The following CDK14 variants were observed in gnomAD, a reference collection of about 807,000 sequenced individuals.
CDK14 encodes cyclin dependent kinase 14.
Under a neutral mutation model 60.7 loss-of-function variants are expected in CDK14, and 34 were observed. That is an observed-to-expected ratio of 0.56 (90% confidence interval 0.43 to 0.75). The LOEUF (loss-of-function observed/expected upper bound fraction) is 0.75, where lower values mean the gene tolerates loss of function less well. CDK14 is among the 30% of genes least tolerant of loss of function. CDK14 has a pLI of 0.00. For synonymous variants in CDK14, 197 were observed against 203.7 expected, an observed-to-expected ratio of 0.97 and a Z score of 0.28; for missense variants, 482 against 564.1, an observed-to-expected ratio of 0.85 and a Z score of 1.47.
At chr7:90,625,968 C>T (rs149786752) in intron 2 of CDK14, among the ~76,000 whole-genome samples, 19 of 152,270 alleles carry the variant, frequency 1.2e-4, no homozygotes, top group Non-Finnish European at 2.2e-4. Flanking sequence ...TTTTTAATTC[C>T]ATGGGAGCTT....
chr7:90,756,010 A>G (rs1287939613), intron 4 of CDK14, among the ~76,000 whole-genome samples: 1 of 152,206 alleles, frequency 6.6e-6, no homozygotes, highest in Non-Finnish European at 1.5e-5. Flanking sequence ...CTTAGGGCTT[A>G]GAGAGGTTTA....
At chr7:90,637,764 G>A (rs1248200783) in intron 2 of CDK14, among the ~76,000 whole-genome samples, 1 of 98,818 alleles carries the variant, frequency 1.0e-5, no homozygotes, top group Non-Finnish European at 2.0e-5. Flanking sequence ...TATTGTGTGG[G>A]AGTCTAAGTC....
At chr7:90,729,989 A>C (rs1317441258) in intron 3 of CDK14, among the ~76,000 whole-genome samples, 1 of 152,094 alleles carries the variant, frequency 6.6e-6, no homozygotes, top group East Asian at 1.9e-4. Flanking sequence ...CCTGTCATTT[A>C]CATTAGATAT....
intron 5 of CDK14, among the ~76,000 whole-genome samples, chr7:90,822,111 C>G (rs1298632660): frequency 6.6e-6 from 1 of 152,128 alleles, no homozygotes; most frequent in Non-Finnish European, 1.5e-5. Flanking sequence ...GTATGCTGTT[C>G]TTGTCTTCAG....
chr7:90,799,433 A>AT (rs1409241328), intron 5 of CDK14, among the ~76,000 whole-genome samples: 1 of 152,086 alleles, frequency 6.6e-6, no homozygotes, highest in African/African-American at 2.4e-5. Context: ...CACACCTGTA[A>AT]TCCCAGTACT....
intron 14 of CDK14, among the ~76,000 whole-genome samples, chr7:91,165,237 A>T (rs766003563): frequency 6.6e-6 from 1 of 152,178 alleles, no homozygotes; most frequent in Non-Finnish European, 1.5e-5. Context: ...AGATTGTTGC[A>T]CATTTCTTCC....
intron 3 of CDK14, among the ~76,000 whole-genome samples, chr7:90,728,217 T>C (rs902880538): frequency 2.0e-5 from 3 of 152,072 alleles, no homozygotes; most frequent in Non-Finnish European, 4.4e-5. Context: ...CCTGGTGTCA[T>C]CCTTTTTCTT....
In CDK14 at chr7:90,726,820, C is replaced by T. The variant is rs921869585; in HGVS notation, c.369+8C>T. The T allele has an allele frequency of 6.2e-7, 1 of 1,612,864 alleles. No individual in the cohort carries two copies. Among genetic ancestry groups the T allele is most frequent in the Admixed American group, 1.7e-5 (1 of 59,890 alleles). On this transcript the variant is annotated splice_region_variant and intron_variant, in intron 3 of 14. Transcript: ENST00000380050. Reference sequence around the variant, plus strand: ...CACTCCAGCCCCAGCTCGGTAAGTGCAGTCTTTTTGTTTATCACTGGGTAA... The same window carrying T: ...CACTCCAGCCCCAGCTCGGTAAGTGTAGTCTTTTTGTTTATCACTGGGTAA...
intron 8 of CDK14, among the ~76,000 whole-genome samples, chr7:90,918,830 A>G (rs1229669088): frequency 6.6e-6 from 1 of 152,214 alleles, no homozygotes; most frequent in East Asian, 1.9e-4. Context: ...GAATGAATCT[A>G]CTTTGTTGGG....
intron 12 of CDK14, among the ~76,000 whole-genome samples, chr7:91,091,681 A>G (rs1357907771): frequency 1.4e-5 from 2 of 140,870 alleles, no homozygotes; most frequent in Non-Finnish European, 3.0e-5. Context: ...AAAAAGAGAA[A>G]GGGAGAAGGA....
At chr7:91,128,367 A>G (rs1309927043) in intron 14 of CDK14, among the ~76,000 whole-genome samples, 1 of 152,186 alleles carries the variant, frequency 6.6e-6, no homozygotes, top group East Asian at 1.9e-4. Flanking sequence ...ATACTGCATT[A>G]GTTCTGTCAA....
chr7:91,119,035 G>GTA (rs775419659), intron 14 of CDK14, among the ~76,000 whole-genome samples: 44 of 151,016 alleles, frequency 2.9e-4, no homozygotes, highest in Non-Finnish European at 4.4e-4. Context: ...GTGTGTGTGT[G>GTA]TATATATATA....
chr7:90,729,648 C>CT (rs879796107), intron 3 of CDK14, among the ~76,000 whole-genome samples: 37 of 151,334 alleles, frequency 2.4e-4, no homozygotes, highest in East Asian at 1.6e-3. Flanking sequence ...CCTGGGATGA[C>CT]TTTTTTTAAT....
intron 8 of CDK14, among the ~76,000 whole-genome samples, chr7:90,942,536 A>G (rs1584149067): frequency 6.6e-6 from 1 of 152,210 alleles, no homozygotes; most frequent in East Asian, 1.9e-4. Flanking sequence ...ATGTTACTGC[A>G]AGTTGGGCTT....
chr7:90,977,972 T>G (rs1163880947), intron 9 of CDK14, among the ~76,000 whole-genome samples: 2 of 151,882 alleles, frequency 1.3e-5, no homozygotes, highest in African/African-American at 2.4e-5. Flanking sequence ...GGGGACAAAC[T>G]AGGAAAAATA....
chr7:90,911,401 G>T (rs1214781959), intron 7 of CDK14, among the ~76,000 whole-genome samples: 16 of 152,158 alleles, frequency 1.1e-4, no homozygotes, highest in Admixed American at 1.0e-3. Context: ...TGACAAAAGA[G>T]TAGCATAATT....
chr7:91,062,914 A>G (rs1263554234), intron 11 of CDK14, among the ~76,000 whole-genome samples: 1 of 152,068 alleles, frequency 6.6e-6, no homozygotes, highest in African/African-American at 2.4e-5. Context: ...CACCCCTCTA[A>G]TCCTCTTTGG....
chr7:91,156,406 T>C (rs1443642966), intron 14 of CDK14, among the ~76,000 whole-genome samples: 1 of 152,180 alleles, frequency 6.6e-6, no homozygotes, highest in Admixed American at 6.5e-5. Flanking sequence ...CCCCGATGGA[T>C]TCTTTAGAAC....
intron 6 of CDK14, among the ~76,000 whole-genome samples, chr7:90,883,789 C>T (rs1462804300): frequency 6.6e-6 from 1 of 152,184 alleles, no homozygotes; most frequent in East Asian, 1.9e-4. Flanking sequence ...TTAACATATG[C>T]AAATCAATAA....
Sources: allele counts gnomAD v4.1 joint callset (sites outside exome capture counted in the v4.1 genomes callset), GRCh38; gene constraint gnomAD v4.1.1; transcripts MANE v1.5; gene names NCBI Gene and HGNC (gene_info 2026-07-23, HGNC 2026-07-21).